Variants in DPF3 observed in about 807,000 individuals in gnomAD.
DPF3 encodes zinc finger protein DPF3.
A neutral mutation model predicts 56.8 loss-of-function variants in DPF3; 18 were observed. The observed-to-expected ratio is 0.32, with a 90% CI of 0.22 to 0.47. The LOEUF is 0.47. Ranked by LOEUF, DPF3 falls within the 20% of genes least tolerant of loss-of-function variation. DPF3 has a pLI of 1.00. For synonymous variants in DPF3, 188 were observed against 180.2 expected, an observed-to-expected ratio of 1.04 and a Z score of -0.35; for missense variants, 403 against 488.8, an observed-to-expected ratio of 0.82 and a Z score of 1.65.
At position 72,614,151 on chromosome 14, in the gene DPF3, A is replaced by C. The variant is rs1436340281; in HGVS notation, c.*5146T>G. ...GCCGTGGCCTCTGGCAGAGAATCATAAGCAGACTCCCAAACCCTGGGAATG... is the reference window on the plus strand; with the variant it reads ...GCCGTGGCCTCTGGCAGAGAATCATCAGCAGACTCCCAAACCCTGGGAATG... On this transcript the variant is annotated 3_prime_UTR_variant, in exon 11 of 11. Transcript: ENST00000556509. Among the ~76,000 whole-genome samples the C allele has an allele frequency of 2.0e-5, 3 of 152,080 alleles. No individual in the cohort carries two copies. The highest frequency in any genetic ancestry group is 4.4e-5 in the Non-Finnish European group (3 of 67,988).
At chr14:72,833,447 G>A (rs1329314391) in intron 1 of DPF3, among the ~76,000 whole-genome samples, 3 of 152,200 alleles carry the variant, frequency 2.0e-5, no homozygotes, top group African/African-American at 4.8e-5. Context: ...AGCCCAGGAT[G>A]AATATGTGCA....
intron 8 of DPF3, among the ~76,000 whole-genome samples, chr14:72,659,642 G>A (rs1242378279): frequency 6.6e-6 from 1 of 152,152 alleles, no homozygotes; most frequent in Non-Finnish European, 1.5e-5. Flanking sequence ...TCAGAATCAA[G>A]GTCCTCTTTT....
At chr14:72,739,233 C>T (rs1423680099) in intron 3 of DPF3, among the ~76,000 whole-genome samples, 1 of 146,790 alleles carries the variant, frequency 6.8e-6, no homozygotes, top group African/African-American at 2.5e-5. Context: ...CAGAGTGAGA[C>T]TCTGTCTCAA....
intron 3 of DPF3, among the ~76,000 whole-genome samples, chr14:72,752,805 T>C (rs543596087): frequency 2.6e-5 from 4 of 152,204 alleles, no homozygotes; most frequent in African/African-American, 7.2e-5. Context: ...TTTTAGTGAA[T>C]TGGCCCCTTT....
rs953918908 is a variant in DPF3, at chr14:72,649,628, G to T, written c.872-19892C>A. Among the ~76,000 whole-genome samples the T allele has an allele frequency of 4.0e-4, 51 of 126,916 alleles. 1 individual carries two copies. The highest frequency in any genetic ancestry group is 7.0e-4 in the Non-Finnish European group (44 of 63,202). 83.3% of individuals were successfully genotyped at this position (126,916 alleles called of 152,430 possible). ...ATTCTGTCTAAACTCTTTAAAAGAT[G>T]CAGAAACTCAATTGTCTCACTCATC... On this transcript the variant is annotated intron_variant, in intron 8 of 10. Transcript: ENST00000556509.
At chr14:72,746,277 T>G (rs1207968511) in intron 3 of DPF3, among the ~76,000 whole-genome samples, 1 of 152,238 alleles carries the variant, frequency 6.6e-6, no homozygotes, top group Non-Finnish European at 1.5e-5. Flanking sequence ...ATTCTCTAGA[T>G]GGGCCCTGGC....
intron 1 of DPF3, among the ~76,000 whole-genome samples, chr14:72,796,968 A>T (rs1024834658): frequency 6.6e-6 from 1 of 152,186 alleles, no homozygotes; most frequent in Non-Finnish European, 1.5e-5. Context: ...CAGTAAGAAG[A>T]CAGGACGAAG....
At chr14:72,657,603 T>G (rs1441483088) in intron 8 of DPF3, among the ~76,000 whole-genome samples, 1 of 152,130 alleles carries the variant, frequency 6.6e-6, no homozygotes, top group Non-Finnish European at 1.5e-5. Context: ...TCCATAGTCC[T>G]GAAGCTTAGA....
intron 5 of DPF3, among the ~76,000 whole-genome samples, chr14:72,717,516 T>C (rs1341981509): frequency 6.6e-6 from 1 of 152,246 alleles, no homozygotes; most frequent in African/African-American, 2.4e-5. Context: ...AGGTGCCTGC[T>C]GTTTCTAATG....
intron 8 of DPF3, among the ~76,000 whole-genome samples, chr14:72,660,090 T>C (rs1324904450): frequency 2.0e-5 from 3 of 152,088 alleles, no homozygotes; most frequent in Admixed American, 1.3e-4. Context: ...GAGTTTCAGT[T>C]GGAGAAGATG....
chr14:72,674,174 G>A (rs1425886005), intron 8 of DPF3, 66 bp downstream of exon 8: 9 of 1,548,874 alleles, frequency 5.8e-6, no homozygotes, highest in Non-Finnish European at 5.2e-6. Flanking sequence ...CCACAAGATG[G>A]AAGAGGAATG....
chr14:72,692,774 G>A (rs1203509817), intron 7 of DPF3, among the ~76,000 whole-genome samples: 2 of 152,208 alleles, frequency 1.3e-5, no homozygotes, highest in Non-Finnish European at 2.9e-5. Context: ...GAAAAGAGTT[G>A]TAGGTCTGGC....
chr14:72,767,442 T>C (rs1005287514), intron 2 of DPF3, among the ~76,000 whole-genome samples: 22 of 151,624 alleles, frequency 1.5e-4, no homozygotes, highest in African/African-American at 5.3e-4. Flanking sequence ...ATAGAAAATA[T>C]GAAGAACCAA....
At chr14:72,645,919 C>T (rs1013658026) in intron 8 of DPF3, among the ~76,000 whole-genome samples, 2 of 152,136 alleles carry the variant, frequency 1.3e-5, no homozygotes, top group Admixed American at 1.3e-4. Flanking sequence ...TCCGGCTACA[C>T]AAAAGTGGGC....
At chr14:72,892,250 G>T (rs1324445379) in intron 1 of DPF3, 1 of 1,535,528 alleles carries the variant, frequency 6.5e-7, no homozygotes. Context: ...ATCAGTTGTG[G>T]GTTCGGTAGA....
chr14:72,757,062 G>C (rs1019636763), intron 2 of DPF3, among the ~76,000 whole-genome samples: 1 of 124,968 alleles, frequency 8.0e-6, no homozygotes, highest in Non-Finnish European at 1.7e-5. Context: ...GGGGAGAAAG[G>C]GGGAGAGGAA....
intron 1 of DPF3, among the ~76,000 whole-genome samples, chr14:72,776,982 C>T (rs965513853): frequency 6.6e-6 from 1 of 152,160 alleles, no homozygotes; most frequent in African/African-American, 2.4e-5. Context: ...ATCAGGAAGT[C>T]GTCCTTTCTC....
intron 6 of DPF3, among the ~76,000 whole-genome samples, chr14:72,704,021 AC>A (rs1205577636): frequency 1.3e-5 from 2 of 152,212 alleles, no homozygotes; most frequent in African/African-American, 4.8e-5. Flanking sequence ...CCTCTTGGAA[AC>A]CCACTAAGGT....
rs1439526044 is a variant in DPF3, at chr14:72,771,901, A to C, written c.33-8T>G. On this transcript the variant is annotated splice_polypyrimidine_tract_variant and splice_region_variant and intron_variant, in intron 1 of 10. Coordinates refer to ENST00000556509, the MANE Select transcript of DPF3 (RefSeq NM_001280542.3). ...TAGAACTGGTCCCCGAGCCTGCCAGAGTCAGAGAGTGAAGGGGTGAGGCCA... is the reference window on the plus strand; with the variant it reads ...TAGAACTGGTCCCCGAGCCTGCCAGCGTCAGAGAGTGAAGGGGTGAGGCCA... 6.4e-7 allele frequency: 1 copy of C among 1,569,758 alleles called. No individual in the cohort carries two copies. Among genetic ancestry groups the C allele is most frequent in the Non-Finnish European group, 8.6e-7 (1 of 1,159,046 alleles).
Sources: allele counts gnomAD v4.1 joint callset (sites outside exome capture counted in the v4.1 genomes callset), GRCh38; gene constraint gnomAD v4.1.1; transcripts MANE v1.5; gene names NCBI Gene and HGNC (gene_info 2026-07-23, HGNC 2026-07-21).